The following GAD1 variants were observed in gnomAD, a reference collection of about 807,000 sequenced individuals.
The protein encoded by GAD1 is glutamate decarboxylase 1.
GAD1 carries 35 observed loss-of-function variants against 75.2 expected under a neutral mutation model. The ratio of observed to expected loss-of-function variants is 0.47; its 90% CI spans 0.36 to 0.62. The LOEUF is 0.62. GAD1 is among the 20% of genes least tolerant of loss of function. GAD1 has a pLI of 0.00. For missense variants in GAD1, 490 were observed against 758.5 expected (o/e 0.65, Z 4.16); for synonymous variants, 257 against 271.9 (o/e 0.95, Z 0.54).
intron 12 of GAD1, 199 bp from the exon 13 acceptor site, chr2:170,852,515 G>A: frequency 1.6e-6 from 1 of 617,164 alleles, no homozygotes; most frequent in Non-Finnish European, 2.9e-6. Context: ...GTTAATAGCA[G>A]TTACTTCTAA....
chr2:170,847,906 A>T, intron 11 of GAD1, 114 bp downstream of exon 11: 3 of 778,538 alleles, frequency 3.9e-6, no homozygotes, highest in African/African-American at 1.7e-5. Context: ...ACACCACATT[A>T]GTTCCAGTTC....
intron 3 of GAD1, among the ~76,000 whole-genome samples, chr2:170,823,581 T>C (rs1463213716): frequency 6.6e-6 from 1 of 152,186 alleles, no homozygotes; most frequent in African/African-American, 2.4e-5. Context: ...AGGCCAGGGC[T>C]GCATCCCTGT....
chr2:170,835,203 T>G (rs1702342292), intron 5 of GAD1, among the ~76,000 whole-genome samples: 1 of 152,236 alleles, frequency 6.6e-6, no homozygotes, highest in Non-Finnish European at 1.5e-5. Context: ...ATGAACGTCA[T>G]AAATGCTTTT....
At chr2:170,814,340 G>A (rs1219327595), upstream of GAD1, among the ~76,000 whole-genome samples, 1 of 152,184 alleles carries the variant, frequency 6.6e-6, no homozygotes, top group African/African-American at 2.4e-5. Flanking sequence ...ACAGAGGCAT[G>A]GGGACCAGAA....
In GAD1 at chr2:170,818,699, A is replaced by T. The variant is rs762045075; in HGVS notation, c.82+26A>T. On this transcript the variant is annotated intron_variant, in intron 2 of 16. Transcript: ENST00000358196. The surrounding 1 kb of genome is among the most constrained non-coding windows in gnomAD (Gnocchi z 5.9). ...GTAGGTCCCGCCCCAATTTTCTATCAAATGAACTGCAGGGAAGATGGGGGC... is the reference window on the plus strand; with the variant it reads ...GTAGGTCCCGCCCCAATTTTCTATCTAATGAACTGCAGGGAAGATGGGGGC... The T allele has an allele frequency of 1.1e-4, 170 of 1,608,116 alleles. 2 individuals are homozygous for T. The East Asian group carries it at 3.8e-3, about 36-fold the overall frequency.
intron 11 of GAD1, among the ~76,000 whole-genome samples, chr2:170,848,482 G>A (rs1215380115): frequency 1.4e-5 from 2 of 138,384 alleles, no homozygotes; most frequent in African/African-American, 5.4e-5. Context: ...GGGCAAAAGA[G>A]CAAAACTCTG....
At chr2:170,819,361 AG>A (rs1701804308) in intron 2 of GAD1, among the ~76,000 whole-genome samples, 1 of 151,936 alleles carries the variant, frequency 6.6e-6, no homozygotes, top group Admixed American at 6.6e-5. Flanking sequence ...GGGAACTGGG[AG>A]GGGGCAAGAA....
chr2:170,849,684 A>C (rs1702709306), intron 12 of GAD1, among the ~76,000 whole-genome samples: 1 of 152,182 alleles, frequency 6.6e-6, no homozygotes, highest in Non-Finnish European at 1.5e-5. Flanking sequence ...CCCTGTCTCT[A>C]ATAGCTATCA....
At chr2:170,858,677 T>G (rs1009711128) in intron 15 of GAD1, 127 bp from the exon 16 acceptor site, 1 of 804,634 alleles carries the variant, frequency 1.2e-6, no homozygotes, top group Non-Finnish European at 2.1e-6. Context: ...TAACATTGCC[T>G]TTGAGATGAA....
chr2:170,845,479 C>A, intron 7 of GAD1, 27 bp from the exon 8 acceptor site: 1 of 1,589,778 alleles, frequency 6.3e-7, no homozygotes, highest in Non-Finnish European at 8.6e-7. Context: ...AGCCCCAACA[C>A]CTCCCAATAT....
chr2:170,842,780 T>C (rs1003247248), intron 6 of GAD1: 2 of 1,456,380 alleles, frequency 1.4e-6, no homozygotes, highest in African/African-American at 2.9e-5. Context: ...CTTCAGGATC[T>C]TTTTGTCTTC....
intron 3 of GAD1, among the ~76,000 whole-genome samples, chr2:170,824,174 TGAG>T (rs1701968005): frequency 6.6e-6 from 1 of 152,164 alleles, no homozygotes; most frequent in African/African-American, 2.4e-5. Context: ...GGTAGTCTGT[TGAG>T]GAGAAATTGC....
chr2:170,845,321 T>A lies in GAD1; in HGVS notation c.752-185T>A, dbSNP rs568150760. 1.0e-4 allele frequency: 69 copies of A among 664,672 alleles called. No individual in the cohort carries two copies. In the Admixed American group the frequency reaches 1.5e-3, roughly 14 times the overall value. 41.2% of individuals were successfully genotyped at this position (664,672 alleles called of 1,614,324 possible). Reference sequence around the variant, plus strand: ...TAGCTTTGGTAATAAGTGTGACTACTTGTATTCCCAGGGTAAAGGGTCCAG... The same window carrying A: ...TAGCTTTGGTAATAAGTGTGACTACATGTATTCCCAGGGTAAAGGGTCCAG... On this transcript the variant is annotated intron_variant, in intron 7 of 16. Coordinates refer to ENST00000358196, the MANE Select transcript of GAD1 (RefSeq NM_000817.3).
At chr2:170,831,594 A>ATGTGTG (rs370649454) in intron 5 of GAD1, among the ~76,000 whole-genome samples, 13,415 of 122,456 alleles carry the variant, frequency 0.11, 795 homozygotes, top group South Asian at 0.17. Context: ...GTCTCTACAT[A>ATGTGTG]TGTGTGTGTG....
chr2:170,845,415 C>T, intron 7 of GAD1, 91 bp from the exon 8 acceptor site: 1 of 1,113,316 alleles, frequency 9.0e-7, no homozygotes, highest in Non-Finnish European at 1.4e-6. Context: ...TCCTGACCTC[C>T]CTTGTCTCTT....
At chr2:170,859,613 T>C in intron 16 of GAD1, 96 bp from the exon 17 acceptor site, 1 of 1,241,576 alleles carries the variant, frequency 8.1e-7, no homozygotes, top group East Asian at 2.4e-5. Context: ...TATGTCAATG[T>C]AAACACAAAT....
chr2:170,859,159 T>G (rs1347894366), intron 16 of GAD1, among the ~76,000 whole-genome samples: 1 of 152,194 alleles, frequency 6.6e-6, no homozygotes, highest in East Asian at 1.9e-4. Context: ...AGGAGCCCTA[T>G]GCAGGGTAAG....
chr2:170,823,858 C>T (rs1701957331), intron 3 of GAD1, among the ~76,000 whole-genome samples: 1 of 152,202 alleles, frequency 6.6e-6, no homozygotes, highest in African/African-American at 2.4e-5. Context: ...GCCTGGCCTG[C>T]TGAGGGTGGG....
chr2:170,840,724 T>TA lies in GAD1; in HGVS notation c.639-3311dup, dbSNP rs942910493. Among the ~76,000 whole-genome samples the TA allele has an allele frequency of 9.5e-3, 1,337 of 141,422 alleles. 12 individuals are homozygous for TA. The highest frequency in any genetic ancestry group is 0.022 in the Middle Eastern group (6 of 276). 92.8% of individuals were successfully genotyped at this position (141,422 alleles called of 152,430 possible). On this transcript the variant is annotated intron_variant, in intron 6 of 16. Coordinates refer to ENST00000358196, the MANE Select transcript of GAD1 (RefSeq NM_000817.3). ...TACTCCTCTTTGATTAAAAAAAAAT[T>TA]AAAAAAAAAACCTTCTCAGAGGTCT... is the stretch of plus-strand genomic sequence containing the variant.
Sources: gnomAD v4.1 joint callset for allele counts (sites outside exome capture counted in the v4.1 genomes callset) on GRCh38, gnomAD v4.1.1 for gene constraint, Gnocchi (gnomAD v3.1) non-coding constraint, MANE v1.5 for transcripts, NCBI Gene and HGNC (gene_info 2026-07-23, HGNC 2026-07-21) for gene names.